TMEM165: variants seen among roughly 807,000 people sequenced by gnomAD.
The protein encoded by TMEM165 is transmembrane protein 165, also known as putative divalent cation/proton antiporter TMEM165.
A neutral mutation model predicts 30.0 loss-of-function variants in TMEM165; 19 were observed. The observed-to-expected ratio is 0.63, with a 90% CI of 0.44 to 0.93. The LOEUF (loss-of-function observed/expected upper bound fraction) is 0.93, where lower values mean the gene tolerates loss of function less well. Among genes scored for constraint, TMEM165 ranks in the 40% least tolerant of loss-of-function variants. The pLI is 0.00. For missense variants in TMEM165, 340 were observed against 417.0 expected, an observed-to-expected ratio of 0.82 and a Z score of 1.61; for synonymous variants, 168 against 162.9, an observed-to-expected ratio of 1.03 and a Z score of -0.24.
chr4:55,442,650 A>T (rs754162722), intron 3 of TMEM165: 1 of 1,591,582 alleles, frequency 6.3e-7, no homozygotes, highest in Non-Finnish European at 8.6e-7. Context: ...AAAAATAAAG[A>T]GATTTTATAG....
chr4:55,433,136 A>T (rs1012499713), intron 3 of TMEM165: 1 of 152,668 alleles, frequency 6.6e-6, no homozygotes, highest in African/African-American at 2.4e-5. Flanking sequence ...GGCAATTTGA[A>T]AGGGGAGAAG....
At chr4:55,400,301 T>A (rs1280822732) in intron 1 of TMEM165, among the ~76,000 whole-genome samples, 1 of 104,980 alleles carries the variant, frequency 9.5e-6, no homozygotes, top group African/African-American at 4.0e-5. Flanking sequence ...TATATAATAT[T>A]ATATATAATA....
At chr4:55,422,365 C>A (rs1035647229) in intron 4 of TMEM165, among the ~76,000 whole-genome samples, 2 of 151,984 alleles carry the variant, frequency 1.3e-5, no homozygotes, top group African/African-American at 4.8e-5. Context: ...CCAAGCGATT[C>A]TTCTGCCTCA....
chr4:55,416,805 T>G (rs1721748087), intron 2 of TMEM165: 1 of 281,414 alleles, frequency 3.6e-6, no homozygotes, highest in Non-Finnish European at 6.6e-6. Context: ...GAGTTCAATA[T>G]CTTACTTAAC....
At chr4:55,440,709 A>C (rs1460952059) in intron 3 of TMEM165, among the ~76,000 whole-genome samples, 1 of 152,210 alleles carries the variant, frequency 6.6e-6, no homozygotes, top group Non-Finnish European at 1.5e-5. Flanking sequence ...TTAAATTAAT[A>C]CCTGAATTAG....
At chr4:55,403,298 T>A in intron 1 of TMEM165, 9 of 1,278,156 alleles carry the variant, frequency 7.0e-6, no homozygotes, top group Non-Finnish European at 9.1e-6. Flanking sequence ...CATCTTCATC[T>A]TCTCTAGTTT....
chr4:55,428,447 C>T (rs1440275132), downstream of TMEM165: 1 of 152,204 alleles, frequency 6.6e-6, no homozygotes, highest in Non-Finnish European at 1.5e-5. Flanking sequence ...TGAAACCATT[C>T]ATTATCCTTC....
chr4:55,398,477 A>G (rs1328836457), intron 1 of TMEM165, among the ~76,000 whole-genome samples: 1 of 152,250 alleles, frequency 6.6e-6, no homozygotes, highest in Non-Finnish European at 1.5e-5. Flanking sequence ...TTTTATTAGC[A>G]TTCATTGTGT....
chr4:55,411,580 T>C (rs1721499004), intron 1 of TMEM165, 34 bp from the exon 2 acceptor site: 1 of 1,539,768 alleles, frequency 6.5e-7, no homozygotes, highest in African/African-American at 1.4e-5. Flanking sequence ...TTTTGAATAA[T>C]GATTTTAAGA....
chr4:55,400,035 G>A (rs979457623), intron 1 of TMEM165, among the ~76,000 whole-genome samples: 1 of 141,024 alleles, frequency 7.1e-6, no homozygotes, highest in Non-Finnish European at 1.5e-5. Context: ...TTTAGAGACA[G>A]GGTCTCACTA....
chr4:55,450,586 G>A (rs1212763411), intron 3 of TMEM165, among the ~76,000 whole-genome samples: 1 of 152,016 alleles, frequency 6.6e-6, no homozygotes, highest in African/African-American at 2.4e-5. Context: ...TGGCCAACAG[G>A]GTGAAACCCC....
In TMEM165 at chr4:55,411,803, G is replaced by A. The variant is rs1721513294; in HGVS notation, c.397G>A (p.Ala133Thr). 2 of 1,614,206 alleles carry A rather than the reference G, an allele frequency of 1.2e-6. No individual in the cohort carries two copies. Among genetic ancestry groups the A allele is most frequent in the Non-Finnish European group, 1.7e-6 (2 of 1,180,030 alleles). ...TAACCGCCTGACCGTGCTGGCTGGT[G>A]CAATGCTTGCCTTGGGACTAATGAC... ...RYNRLTVLAGAMLALGLMTCL... is the reference protein window; with the variant it reads ...RYNRLTVLAGTMLALGLMTCL... Residue 133 changes from alanine (A) to threonine (T), a missense_variant, in exon 2 of 6, where the codon GCA becomes ACA. Ala to Thr is a moderately conservative substitution (Grantham distance 58). Transcript: ENST00000381334.
At chr4:55,447,669 T>A (rs1271362113) in intron 3 of TMEM165, among the ~76,000 whole-genome samples, 1 of 152,174 alleles carries the variant, frequency 6.6e-6, no homozygotes, top group African/African-American at 2.4e-5. Flanking sequence ...TGTTAAGAAA[T>A]GCTTTAGAAT....
intron 3 of TMEM165, chr4:55,442,516 C>T: frequency 6.2e-7 from 1 of 1,609,362 alleles, no homozygotes; most frequent in Non-Finnish European, 8.5e-7. Flanking sequence ...CTGGACCATG[C>T]TTCCGGCTGC....
rs75859753 is a variant in TMEM165 at position 55,398,612 on chromosome 4, A to G, written c.207+2216A>G. ...TCCTTTTTTGGGAACTTTATTGTGT[A>G]TGTTGTGGCATGTTTACACACACAT... On this transcript the variant is annotated intron_variant, in intron 1 of 5. Transcript: ENST00000381334. Among the ~76,000 whole-genome samples, 130 of 152,212 alleles carry G rather than the reference A, an allele frequency of 8.5e-4. 2 individuals are homozygous for G. The East Asian group carries it at 0.022, about 26-fold the overall frequency.
intron 1 of TMEM165, among the ~76,000 whole-genome samples, chr4:55,410,263 T>G (rs1385156626): frequency 1.3e-5 from 2 of 152,340 alleles, no homozygotes; most frequent in East Asian, 3.9e-4. Context: ...GAACTGTATA[T>G]AGAACTTTGG....
intron 2 of TMEM165, among the ~76,000 whole-genome samples, chr4:55,413,648 T>C (rs564038248): frequency 2.0e-5 from 3 of 152,364 alleles, no homozygotes; most frequent in Non-Finnish European, 2.9e-5. Context: ...TTAAACATTT[T>C]ATAGAAATAA....
Position 55,417,222 on chromosome 4 carries a change from C to T in TMEM165, c.584C>T (p.Ala195Val). ...CAAGAGGAACTGGAAGAAGTTCAAGCTGAATTAAAGAAGAAAGATGAAGAA... is the reference window on the plus strand; with the variant it reads ...CAAGAGGAACTGGAAGAAGTTCAAGTTGAATTAAAGAAGAAAGATGAAGAA... Reference protein sequence around the residue: ...EGQEELEEVQAELKKKDEEFQ... With the variant: ...EGQEELEEVQVELKKKDEEFQ... The change falls in exon 3 of 6, where the codon GCT (alanine) becomes GTT (valine). Residue 195 changes from alanine to valine, a missense_variant. This residue lies in a region of TMEM165 where 220 missense variants were observed against 307.6 expected (regional missense o/e 0.72). Coordinates refer to ENST00000381334, the MANE Select transcript of TMEM165 (RefSeq NM_018475.5). 6.2e-7 allele frequency: 1 copy of T among 1,612,070 alleles called. No individual in the cohort carries two copies. The highest frequency in any genetic ancestry group is 8.5e-7 in the Non-Finnish European group (1 of 1,179,526).
intron 4 of TMEM165, chr4:55,423,589 AT>A (rs1301398899): frequency 6.6e-6 from 1 of 152,132 alleles, no homozygotes; most frequent in Non-Finnish European, 1.5e-5. Context: ...TGCCTGGCTA[AT>A]TTTTAATTTT....
Sources: allele counts gnomAD v4.1 joint callset (sites outside exome capture counted in the v4.1 genomes callset), GRCh38; gene constraint gnomAD v4.1.1; regional missense constraint gnomAD v4.1.1; transcripts MANE v1.5; gene names NCBI Gene and HGNC (gene_info 2026-07-23, HGNC 2026-07-21).